The following PARD3 variants were observed in gnomAD, a reference collection of about 807,000 sequenced individuals.
The protein encoded by PARD3 is par-3 family cell polarity regulator, also known as partitioning defective 3 homolog.
A neutral mutation model predicts 155.4 loss-of-function variants in PARD3; 75 were observed. The ratio of observed to expected loss-of-function variants is 0.48; its 90% CI spans 0.40 to 0.58. The LOEUF (loss-of-function observed/expected upper bound fraction) is 0.58, where lower values mean the gene tolerates loss of function less well. PARD3 is among the 20% of genes least tolerant of loss of function. The probability of loss-of-function intolerance (pLI) is 0.00; values close to 1 mark genes in which losing one functional copy is unlikely to be tolerated. For missense variants in PARD3, 1,642 were observed against 1,721.7 expected (o/e 0.95, Z 0.82); for synonymous variants, 576 against 610.5 (o/e 0.94, Z 0.83).
chr10:34,460,725 C>T (rs371301395), intron 4 of PARD3, among the ~76,000 whole-genome samples: 1 of 151,822 alleles, frequency 6.6e-6, no homozygotes, highest in Non-Finnish European at 1.5e-5. Context: ...CCCAGCTACT[C>T]GGGAGGCTGA....
intron 8 of PARD3, among the ~76,000 whole-genome samples, chr10:34,383,837 A>C (rs752111329): frequency 6.6e-6 from 1 of 152,208 alleles, no homozygotes; most frequent in Non-Finnish European, 1.5e-5. Context: ...TTAAAGTATG[A>C]TAAAAATGGG....
chr10:34,454,632 T>A (rs1165597113), intron 4 of PARD3, among the ~76,000 whole-genome samples: 7 of 152,110 alleles, frequency 4.6e-5, no homozygotes, highest in Non-Finnish European at 1.0e-4. Flanking sequence ...AAAAATGCCA[T>A]AAGAAATTAC....
intron 22 of PARD3, among the ~76,000 whole-genome samples, chr10:34,185,516 A>G (rs1428724781): frequency 6.6e-6 from 1 of 152,148 alleles, no homozygotes. Context: ...TAATTCCTTC[A>G]TTTACTGGAT....
chr10:34,532,201 G>A (rs1268170490), intron 2 of PARD3, among the ~76,000 whole-genome samples: 1 of 151,858 alleles, frequency 6.6e-6, no homozygotes, highest in Non-Finnish European at 1.5e-5. Context: ...AAATGACAGG[G>A]TATCTATATA....
rs530853833 is a variant in PARD3, at chr10:34,164,133, A to G, written c.3420-32550T>C. Among the ~76,000 whole-genome samples, 216 of 152,356 alleles carry G rather than the reference A, an allele frequency of 1.4e-3. 1 individual carries two copies. Among genetic ancestry groups the G allele is most frequent in the African/African-American group, 4.9e-3 (203 of 41,592 alleles). ...GTGCAAAGCGGAAAAATAAACAGCT[A>G]CTATGGGAATTCAAAACAAAGAGCC... On this transcript the variant is annotated intron_variant, in intron 22 of 24. Coordinates refer to ENST00000374788, the MANE Select transcript of PARD3 (RefSeq NM_001184785.2).
At position 34,317,305 on chromosome 10, in the gene PARD3, C is replaced by T. The variant is rs765589904; in HGVS notation, c.2867G>A (p.Gly956Glu). Residue 956 changes from glycine (G) to glutamate (E), a missense_variant, in exon 20 of 25, where the codon GGG becomes GAG. Transcript: ENST00000374788. ...EEDTEESSRS[G>E]RESVSTASDQ... Reference sequence around the variant, plus strand: ...ACTGGCTGTGGATACAGACTCTCTCCCTGATCTTGAACTTTCTTCTGTGTC... The same window carrying T: ...ACTGGCTGTGGATACAGACTCTCTCTCTGATCTTGAACTTTCTTCTGTGTC... 6.2e-7 allele frequency: 1 copy of T among 1,611,256 alleles called. No homozygotes were observed. The highest frequency in any genetic ancestry group is 1.1e-5 in the South Asian group (1 of 90,234).
intron 22 of PARD3, among the ~76,000 whole-genome samples, chr10:34,251,589 C>T (rs967538058): frequency 1.3e-5 from 2 of 152,226 alleles, no homozygotes; most frequent in African/African-American, 2.4e-5. Flanking sequence ...AAAATACCTA[C>T]ATCACATCTT....
intron 1 of PARD3, among the ~76,000 whole-genome samples, chr10:34,806,771 C>G (rs1370329547): frequency 6.6e-6 from 1 of 152,140 alleles, no homozygotes; most frequent in African/African-American, 2.4e-5. Context: ...GGTCCTGGAC[C>G]CTGTATAACC....
At chr10:34,299,903 T>C (rs1957071230) in intron 20 of PARD3, among the ~76,000 whole-genome samples, 1 of 152,206 alleles carries the variant, frequency 6.6e-6, no homozygotes, top group African/African-American at 2.4e-5. Context: ...TAATACTTTA[T>C]TACTGAAAAT....
chr10:34,230,213 C>G lies in PARD3; in HGVS notation c.3419+39444G>C, dbSNP rs559100457. 1.4e-3 allele frequency among the ~76,000 whole-genome samples: 216 copies of G among 152,118 alleles called. 1 individual carries two copies. The highest frequency in any genetic ancestry group is 2.5e-3 in the Non-Finnish European group (167 of 68,032). ...TAAATACATACCATAGAACATAAAC[C>G]TACCCAGCCACAGAAATCAGGAAAG... On this transcript the variant is annotated intron_variant, in intron 22 of 24. Transcript: ENST00000374788.
chr10:34,417,689 C>CT lies in PARD3; in HGVS notation c.715-15773dup, dbSNP rs531104477. ...GGTTTTCAATTACCAACTGCATTTA[C>CT]TACTGTTCAGCTTTTCTGACTTTTC... On this transcript the variant is annotated intron_variant, in intron 5 of 24. Transcript: ENST00000374788. 4.6e-5 allele frequency among the ~76,000 whole-genome samples: 7 copies of CT among 152,294 alleles called. No homozygotes were observed. In the East Asian group the frequency reaches 1.3e-3, roughly 29 times the overall value.
chr10:34,289,515 A>AATG (rs1430364782), intron 20 of PARD3, among the ~76,000 whole-genome samples: 2 of 151,958 alleles, frequency 1.3e-5, no homozygotes, highest in East Asian at 3.9e-4. Flanking sequence ...TAATAATAAT[A>AATG]ATAAGTAGAG....
rs1564407716 is a variant in PARD3 at position 34,119,723 on chromosome 10, C to CGCCGGCCGTGCGTT, written c.3544_3557dup (p.Gln1188HisfsTer113). The stretch of plus-strand genomic sequence containing the variant: ...ACACCGAGTGTCGCCCGCTCTGCGT[C>CGCCGGCCGTGCGTT]GCCGGCCGTGCGTTCGGCTGGAAGA... On this transcript the variant is annotated frameshift_variant, in exon 24 of 25. Transcript: ENST00000374788. LOFTEE classifies it high-confidence loss of function. The CGCCGGCCGTGCGTT allele has an allele frequency of 6.2e-7, 1 of 1,611,572 alleles. No homozygotes were observed. The highest frequency in any genetic ancestry group is 1.7e-5 in the Admixed American group (1 of 59,956).
At chr10:34,237,002 CAG>C (rs1174729914) in intron 22 of PARD3, among the ~76,000 whole-genome samples, 1 of 152,098 alleles carries the variant, frequency 6.6e-6, no homozygotes, top group Admixed American at 6.6e-5. Flanking sequence ...ATCCGAATAA[CAG>C]AGAAGCTGTA....
intron 2 of PARD3, among the ~76,000 whole-genome samples, chr10:34,546,199 T>G (rs1187079702): frequency 6.6e-6 from 1 of 152,174 alleles, no homozygotes; most frequent in Non-Finnish European, 1.5e-5. Flanking sequence ...TAACACTCTT[T>G]TTTTTGAAGT....
chr10:34,412,348 CAAGAG>C (rs1357309453), intron 5 of PARD3, among the ~76,000 whole-genome samples: 2 of 152,112 alleles, frequency 1.3e-5, no homozygotes, highest in Admixed American at 6.6e-5. Flanking sequence ...GATGCTGATA[CAAGAG>C]AATAACATTT....
At chr10:34,640,751 C>T (rs1372948093) in intron 2 of PARD3, among the ~76,000 whole-genome samples, 6 of 80,162 alleles carry the variant, frequency 7.5e-5, no homozygotes, top group Non-Finnish European at 8.1e-5. Context: ...TTTTAGGGAA[C>T]ACAATTTGAC....
chr10:34,479,440 G>A (rs2078929870), intron 3 of PARD3, among the ~76,000 whole-genome samples: 1 of 152,060 alleles, frequency 6.6e-6, no homozygotes, highest in South Asian at 2.1e-4. Flanking sequence ...GGATTACTTT[G>A]GGGCGCGTGA....
At chr10:34,389,832 T>A (rs1317393140) in intron 7 of PARD3, among the ~76,000 whole-genome samples, 1 of 151,460 alleles carries the variant, frequency 6.6e-6, no homozygotes, top group Non-Finnish European at 1.5e-5. Context: ...AAATCTTAAT[T>A]TTTTTTTTAG....
Sources: gnomAD v4.1 joint callset for allele counts (sites outside exome capture counted in the v4.1 genomes callset) on GRCh38, gnomAD v4.1.1 for gene constraint, MANE v1.5 for transcripts, NCBI Gene and HGNC (gene_info 2026-07-23, HGNC 2026-07-21) for gene names.